CD200: variants seen among roughly 807,000 people sequenced by gnomAD.
CD200 encodes OX-2 membrane glycoprotein.
A neutral mutation model predicts 30.9 loss-of-function variants in CD200; 15 were observed. The ratio of observed to expected loss-of-function variants is 0.49; its 90% CI spans 0.32 to 0.75. CD200 has a LOEUF of 0.75. Ranked by LOEUF, CD200 falls within the 30% of genes least tolerant of loss-of-function variation. CD200 has a pLI of 0.03. For missense variants in CD200, 262 were observed against 324.2 expected (o/e 0.81, Z 1.47); for synonymous variants, 134 against 126.2 (o/e 1.06, Z -0.41).
rs926034265 is a variant in CD200 at position 112,334,179 on chromosome 3, C to T, written c.12+955C>T. The T allele has an allele frequency of 8.1e-6, 8 of 984,890 alleles. No individual in the cohort carries two copies. In the African/African-American group the frequency reaches 1.0e-4, roughly 13 times the overall value. The allele number at this position is 984,890 out of a possible 1,614,324, so 61.0% of individuals were successfully genotyped here. A position where few individuals can be genotyped will look rare whatever the true frequency, so the allele number is the denominator to read the frequency against. ...TTACCTCGTTTTACACATAAACAGG[C>T]GGAAAGGCTGATATTTCCAAGTCCT... On this transcript the variant is annotated intron_variant, in intron 1 of 5. Coordinates refer to ENST00000315711, the MANE Select transcript of CD200 (RefSeq NM_005944.7).
At chr3:112,356,571 A>G (rs1476393786) in intron 5 of CD200, among the ~76,000 whole-genome samples, 2 of 152,222 alleles carry the variant, frequency 1.3e-5, no homozygotes, top group Non-Finnish European at 2.9e-5. Context: ...ATGTTGTACA[A>G]TAGATCTCTT....
rs768125499 is a variant in CD200 at position 112,361,565 on chromosome 3, A to T, written c.*15A>T. The T allele has an allele frequency of 8.1e-6, 13 of 1,607,524 alleles. No homozygotes were observed. Among genetic ancestry groups the T allele is most frequent in the Non-Finnish European group, 1.1e-5 (13 of 1,174,082 alleles). ...CAGAGCCCTAAATAAGTCACACAGC[A>T]CCCTGAAAGTGATTCCCTGGTCTAC... On this transcript the variant is annotated 3_prime_UTR_variant, in exon 6 of 6. Transcript: ENST00000315711.
At chr3:112,350,604 A>AT (rs1264423749) in intron 5 of CD200, among the ~76,000 whole-genome samples, 21 of 152,252 alleles carry the variant, frequency 1.4e-4, no homozygotes, top group Admixed American at 9.2e-4. Context: ...TGCATAATTT[A>AT]TTGAAGTGAA....
At chr3:112,360,841 C>A (rs1347040500) in intron 5 of CD200, among the ~76,000 whole-genome samples, 1 of 152,182 alleles carries the variant, frequency 6.6e-6, no homozygotes, top group Non-Finnish European at 1.5e-5. Context: ...TACTTCGTGA[C>A]CATTTCTACC....
chr3:112,359,936 A>G (rs2108477219), intron 5 of CD200, among the ~76,000 whole-genome samples: 1 of 152,358 alleles, frequency 6.6e-6, no homozygotes, highest in South Asian at 2.1e-4. Flanking sequence ...TTTTAATCAG[A>G]GACCTTCAAG....
At chr3:112,349,941 C>T in intron 5 of CD200, 122 bp downstream of exon 5, 1 of 1,348,454 alleles carries the variant, frequency 7.4e-7, no homozygotes, top group Non-Finnish European at 9.5e-7. Context: ...CTGTTGTTTC[C>T]AAAATACAGA....
At chr3:112,337,035 G>A (rs2081133070) in intron 1 of CD200, among the ~76,000 whole-genome samples, 1 of 152,068 alleles carries the variant, frequency 6.6e-6, no homozygotes, top group Non-Finnish European at 1.5e-5. Flanking sequence ...GATAGCTGGG[G>A]GAGTGGCGGG....
Position 112,345,042 on chromosome 3 carries a change from G to C in CD200, c.175G>C (p.Ala59Pro). ...LKCSLQNAQE[A>P]LIVTWQKKKA... Reference sequence around the variant, plus strand: ...ATGCTCTCTGCAAAATGCCCAGGAAGCCCTCATTGTGACATGGCAGAAAAA... The same window carrying C: ...ATGCTCTCTGCAAAATGCCCAGGAACCCCTCATTGTGACATGGCAGAAAAA... Residue 59 changes from alanine to proline, a missense_variant, in exon 3 of 6, where the codon GCC becomes CCC. By Grantham distance (27) the Ala-to-Pro change is conservative. Coordinates refer to ENST00000315711, the MANE Select transcript of CD200 (RefSeq NM_005944.7). 6.2e-7 allele frequency: 1 copy of C among 1,614,070 alleles called. No individual in the cohort carries two copies. Among genetic ancestry groups the C allele is most frequent in the South Asian group, 1.1e-5 (1 of 91,078 alleles).
At chr3:112,357,666 C>T (rs1382281571) in intron 5 of CD200, among the ~76,000 whole-genome samples, 1 of 152,174 alleles carries the variant, frequency 6.6e-6, no homozygotes, top group Non-Finnish European at 1.5e-5. Flanking sequence ...TTATCTGAAT[C>T]TGTTTGGACA....
intron 1 of CD200, among the ~76,000 whole-genome samples, chr3:112,337,201 A>C (rs2108423236): frequency 6.6e-6 from 1 of 152,302 alleles, no homozygotes; most frequent in East Asian, 1.9e-4. Flanking sequence ...CATGGCAGAC[A>C]AAGGGAGATG....
At chr3:112,359,148 A>G (rs1445854687) in intron 5 of CD200, among the ~76,000 whole-genome samples, 1 of 152,234 alleles carries the variant, frequency 6.6e-6, no homozygotes, top group Non-Finnish European at 1.5e-5. Context: ...AGAAAGATAT[A>G]TAGAAACTTT....
intron 2 of CD200, 57 bp from the exon 3 acceptor site, chr3:112,344,905 A>G: frequency 7.9e-7 from 1 of 1,266,898 alleles, no homozygotes; most frequent in Non-Finnish European, 1.1e-6. Context: ...TATAATCAGG[A>G]AAAAGTGTAT....
rs1478167893 is a variant in CD200 at position 112,342,336 on chromosome 3, TC to T, written c.94+1355del. Among the ~76,000 whole-genome samples the T allele has an allele frequency of 5.0e-3, 110 of 22,156 alleles. 2 individuals are homozygous for T. Among genetic ancestry groups the T allele is most frequent in the African/African-American group, 5.7e-3 (28 of 4,900 alleles). The allele number at this position is 22,156 out of a possible 152,430, so 14.5% of individuals were successfully genotyped here. On this transcript the variant is annotated intron_variant, in intron 2 of 5. Transcript: ENST00000315711. Reference sequence around the variant, plus strand: ...TTCTTTCTTTCTTTCTTTCTTTCTTTCCTTCTTTCTTTCTTTCTTTCTTTCT... The same window carrying T: ...TTCTTTCTTTCTTTCTTTCTTTCTTTCTTCTTTCTTTCTTTCTTTCTTTCT...
intron 1 of CD200, chr3:112,333,524 A>G: frequency 2.0e-6 from 2 of 985,446 alleles, no homozygotes; most frequent in Non-Finnish European, 2.4e-6. Flanking sequence ...ATCCGCGCTG[A>G]CGAAGCTGGC....
chr3:112,350,711 G>A (rs1342360929), intron 5 of CD200, among the ~76,000 whole-genome samples: 2 of 152,232 alleles, frequency 1.3e-5, no homozygotes, highest in South Asian at 4.1e-4. Flanking sequence ...AAGGATAGGG[G>A]TCAGGAAAGA....
chr3:112,357,295 A>AAAG lies in CD200; in HGVS notation c.803-4247_803-4246insAGA, dbSNP rs1197893480. On this transcript the variant is annotated intron_variant, in intron 5 of 5. Coordinates refer to ENST00000315711, the MANE Select transcript of CD200 (RefSeq NM_005944.7). ...AAAAAGAAAGAAAGAAAGAAAGAAA[A>AAAG]AGAAAAGTACCTAAAACGAATGATA... Among the ~76,000 whole-genome samples, 3 of 144,078 alleles carry AAAG rather than the reference A, an allele frequency of 2.1e-5. No homozygotes were observed. In the South Asian group the frequency reaches 6.7e-4, roughly 32 times the overall value. The allele number at this position is 144,078 out of a possible 152,430, so 94.5% of individuals were successfully genotyped here. A position where few individuals can be genotyped will look rare whatever the true frequency, so the allele number is the denominator to read the frequency against.
At chr3:112,334,965 G>A (rs894658529) in intron 1 of CD200, among the ~76,000 whole-genome samples, 2 of 152,104 alleles carry the variant, frequency 1.3e-5, no homozygotes, top group Non-Finnish European at 2.9e-5. Flanking sequence ...ATGGCCTCTG[G>A]TAGAGCCTGG....
chr3:112,334,015 A>C, intron 1 of CD200: 2 of 985,440 alleles, frequency 2.0e-6, no homozygotes, highest in Non-Finnish European at 2.4e-6. Flanking sequence ...TTTTTCATGT[A>C]TGGTTTGTTG....
At position 112,344,997 on chromosome 3, in the gene CD200, T is replaced by C. The variant is rs370652876; in HGVS notation, c.130T>C (p.Tyr44His). The change falls in exon 3 of 6, where the codon TAC (tyrosine) becomes CAC (histidine). Residue 44 changes from tyrosine to histidine, a missense_variant. By Grantham distance (83) the Tyr-to-His change is moderately conservative (BLOSUM62 2). Transcript: ENST00000315711. ...VVTQDEREQL[Y>H]TPASLKCSLQ... Reference sequence around the variant, plus strand: ...GACCCAGGATGAAAGAGAGCAGCTGTACACACCTGCTTCCTTAAAATGCTC... The same window carrying C: ...GACCCAGGATGAAAGAGAGCAGCTGCACACACCTGCTTCCTTAAAATGCTC... 3.1e-6 allele frequency: 5 copies of C among 1,614,074 alleles called. No homozygotes were observed. The South Asian group carries it at 4.4e-5, about 14-fold the overall frequency.
Sources: allele counts gnomAD v4.1 joint callset (sites outside exome capture counted in the v4.1 genomes callset), GRCh38; gene constraint gnomAD v4.1.1; transcripts MANE v1.5; gene names NCBI Gene and HGNC (gene_info 2026-07-23, HGNC 2026-07-21).